UBE2E3: variants seen among roughly 807,000 people sequenced by gnomAD.
UBE2E3 encodes ubiquitin-conjugating enzyme E2 E3.
In UBE2E3, 5 loss-of-function variants were observed where a neutral mutation model predicts 23.6. The observed-to-expected ratio is 0.21, with a 90% CI of 0.11 to 0.44. The LOEUF (loss-of-function observed/expected upper bound fraction) is 0.44. UBE2E3 is among the 20% of genes least tolerant of loss of function. UBE2E3 has a pLI of 0.99. For missense variants in UBE2E3, 81 were observed against 249.8 expected (o/e 0.32, Z 4.55); for synonymous variants, 78 against 87.5 (o/e 0.89, Z 0.60).
intron 3 of UBE2E3, among the ~76,000 whole-genome samples, chr2:181,014,569 G>A (rs945044261): frequency 6.6e-6 from 1 of 152,152 alleles, no homozygotes; most frequent in Non-Finnish European, 1.5e-5. Context: ...ACTAACCTGA[G>A]AGATTGGAAG....
chr2:181,027,484 G>A (rs1384363455), intron 3 of UBE2E3, among the ~76,000 whole-genome samples: 3 of 151,930 alleles, frequency 2.0e-5, no homozygotes, highest in African/African-American at 4.8e-5. Flanking sequence ...ATTCTTAGAT[G>A]TAAAGTTATC....
chr2:181,011,033 T>C (rs1338580846), intron 3 of UBE2E3, among the ~76,000 whole-genome samples: 1 of 152,066 alleles, frequency 6.6e-6, no homozygotes, highest in Admixed American at 6.6e-5. Context: ...TATAAGCCCT[T>C]CACTTAATAA....
At chr2:180,984,327 T>C (rs1684390130) in intron 3 of UBE2E3, among the ~76,000 whole-genome samples, 1 of 152,202 alleles carries the variant, frequency 6.6e-6, no homozygotes, top group African/African-American at 2.4e-5. Context: ...GCTTCTGATA[T>C]TCATATGAAT....
intron 3 of UBE2E3, among the ~76,000 whole-genome samples, chr2:180,990,461 A>C (rs1403319424): frequency 6.6e-6 from 1 of 152,150 alleles, no homozygotes; most frequent in Non-Finnish European, 1.5e-5. Context: ...TGCATCCTTA[A>C]TATATTCACC....
At chr2:181,040,446 G>C (rs1290770270) in intron 3 of UBE2E3, among the ~76,000 whole-genome samples, 1 of 152,062 alleles carries the variant, frequency 6.6e-6, no homozygotes, top group Non-Finnish European at 1.5e-5. Flanking sequence ...TTTTTATAAA[G>C]AATCAATTTT....
intron 3 of UBE2E3, among the ~76,000 whole-genome samples, chr2:181,056,643 T>C (rs1227710593): frequency 6.6e-6 from 1 of 151,748 alleles, no homozygotes; most frequent in Non-Finnish European, 1.5e-5. Context: ...CTTCCCAACA[T>C]TGCCGCGTTT....
At chr2:181,053,982 A>G (rs1686917462) in intron 3 of UBE2E3, among the ~76,000 whole-genome samples, 1 of 151,784 alleles carries the variant, frequency 6.6e-6, no homozygotes, top group Non-Finnish European at 1.5e-5. Flanking sequence ...CCACTTACTA[A>G]TATGCATTTA....
rs1003969541 is a variant in UBE2E3, at chr2:180,997,152, C to T, written c.245+13059C>T. Among the ~76,000 whole-genome samples the T allele has an allele frequency of 4.0e-5, 6 of 151,752 alleles. No individual in the cohort carries two copies. The South Asian group carries it at 1.2e-3, about 32-fold the overall frequency. The stretch of plus-strand genomic sequence containing the variant: ...TTCTAATCTCTCTTCAATTATTTAA[C>T]CTCTTTCCTTTTCTAAGAGATTTTT... On this transcript the variant is annotated intron_variant, in intron 3 of 5. Coordinates refer to ENST00000410062, the MANE Select transcript of UBE2E3 (RefSeq NM_006357.4).
At chr2:181,031,729 C>T (rs1357979329) in intron 3 of UBE2E3, among the ~76,000 whole-genome samples, 1 of 152,056 alleles carries the variant, frequency 6.6e-6, no homozygotes, top group African/African-American at 2.4e-5. Context: ...TCTTTACACC[C>T]ATTTTTGGAG....
chr2:181,031,190 T>C (rs952771688), intron 3 of UBE2E3, among the ~76,000 whole-genome samples: 3 of 152,174 alleles, frequency 2.0e-5, no homozygotes, highest in African/African-American at 7.2e-5. Context: ...TTTATACATA[T>C]GTCCAGTGTG....
At chr2:181,026,097 A>G (rs1371811222) in intron 3 of UBE2E3, among the ~76,000 whole-genome samples, 1 of 151,942 alleles carries the variant, frequency 6.6e-6, no homozygotes, top group Non-Finnish European at 1.5e-5. Flanking sequence ...TTTTGCGTAG[A>G]ATCAAATCTG....
intron 3 of UBE2E3, chr2:180,987,502 A>T: frequency 3.2e-6 from 4 of 1,256,110 alleles, no homozygotes; most frequent in Non-Finnish European, 4.4e-6. Flanking sequence ...TATACTGGAG[A>T]TATTTGGGGG....
chr2:181,033,743 A>C (rs1686166830), intron 3 of UBE2E3, among the ~76,000 whole-genome samples: 1 of 152,186 alleles, frequency 6.6e-6, no homozygotes, highest in Non-Finnish European at 1.5e-5. Context: ...GTGAACAGGC[A>C]ACCTACAGAA....
chr2:181,059,113 C>T (rs1428632597), intron 4 of UBE2E3, among the ~76,000 whole-genome samples: 1 of 151,630 alleles, frequency 6.6e-6, no homozygotes, highest in Non-Finnish European at 1.5e-5. Flanking sequence ...GCTGAAATTG[C>T]AATATATCAT....
chr2:181,041,839 C>G (rs955669746), intron 3 of UBE2E3, among the ~76,000 whole-genome samples: 1 of 152,216 alleles, frequency 6.6e-6, no homozygotes, highest in African/African-American at 2.4e-5. Flanking sequence ...CAGGAGGCAG[C>G]GTGGTCTGGA....
At chr2:181,037,948 A>G (rs1244474169) in intron 3 of UBE2E3, among the ~76,000 whole-genome samples, 2 of 152,238 alleles carry the variant, frequency 1.3e-5, no homozygotes, top group African/African-American at 4.8e-5. Flanking sequence ...GGTCTGAGTG[A>G]CAAAGTCAGA....
chr2:181,032,842 A>T (rs547719912), intron 3 of UBE2E3, among the ~76,000 whole-genome samples: 1 of 152,334 alleles, frequency 6.6e-6, no homozygotes, highest in East Asian at 1.9e-4. Flanking sequence ...AAGTCTCAGG[A>T]TACAAAATCA....
chr2:181,011,721 G>A (rs1269273741), intron 3 of UBE2E3, among the ~76,000 whole-genome samples: 1 of 151,998 alleles, frequency 6.6e-6, no homozygotes, highest in Non-Finnish European at 1.5e-5. Context: ...TAATCATTCA[G>A]GTCCTCTGGC....
chr2:181,058,815 G>A (rs373974600), intron 4 of UBE2E3, among the ~76,000 whole-genome samples: 16 of 151,860 alleles, frequency 1.1e-4, no homozygotes, highest in African/African-American at 3.4e-4. Context: ...GGTAACGAGT[G>A]CCATCTAGTG....
Sources: allele counts gnomAD v4.1 joint callset (sites outside exome capture counted in the v4.1 genomes callset), GRCh38; gene constraint gnomAD v4.1.1; transcripts MANE v1.5; gene names NCBI Gene and HGNC (gene_info 2026-07-23, HGNC 2026-07-21).